PDE4B: variants seen among roughly 807,000 people sequenced by gnomAD.
The protein encoded by PDE4B is 3',5'-cyclic-AMP phosphodiesterase 4B.
In PDE4B, 20 loss-of-function variants were observed where a neutral mutation model predicts 82.2. The ratio of observed to expected loss-of-function variants is 0.24; its 90% CI spans 0.17 to 0.35. The LOEUF (loss-of-function observed/expected upper bound fraction) is 0.35, where lower values mean the gene tolerates loss of function less well. Ranked by LOEUF, PDE4B falls within the 10% of genes least tolerant of loss-of-function variation. PDE4B has a pLI of 1.00. For missense variants in PDE4B, 655 were observed against 907.2 expected (o/e 0.72, Z 3.57); for synonymous variants, 320 against 318.9 (o/e 1.00, Z -0.04).
intron 12 of PDE4B, among the ~76,000 whole-genome samples, chr1:66,364,672 G>A (rs1557731064): frequency 6.6e-6 from 1 of 152,182 alleles, no homozygotes; most frequent in Non-Finnish European, 1.5e-5. Flanking sequence ...AAGTGAGATG[G>A]AGCTAAGGGT....
In PDE4B at chr1:65,968,856, A is replaced by G. The variant is rs923709987; in HGVS notation, c.281+50021A>G. On this transcript the variant is annotated intron_variant, in intron 3 of 16. Coordinates refer to ENST00000341517, the MANE Select transcript of PDE4B (RefSeq NM_002600.4). ...TAGTGAGTCATATTGTCATGTAATT[A>G]TGACCCAACCTATATTTTTATTTCA... Among the ~76,000 whole-genome samples, 5 of 152,178 alleles carry G rather than the reference A, an allele frequency of 3.3e-5. No homozygotes were observed. The South Asian group carries it at 1.0e-3, about 31-fold the overall frequency.
At chr1:65,864,413 A>T (rs796347173) in intron 1 of PDE4B, among the ~76,000 whole-genome samples, 1 of 151,880 alleles carries the variant, frequency 6.6e-6, no homozygotes, top group Admixed American at 6.6e-5. Context: ...GCTGGAGAGG[A>T]GTTGCGATCA....
At position 66,302,992 on chromosome 1, in the gene PDE4B, C is replaced by T. The variant is rs186169938; in HGVS notation, c.635-29516C>T. ...GCTAGATGCCCATCCTATGGGTTTC[C>T]ATGGCATCCAAATATTACCCACACT... On this transcript the variant is annotated intron_variant, in intron 7 of 16. Transcript: ENST00000341517. Among the ~76,000 whole-genome samples the T allele has an allele frequency of 1.8e-4, 27 of 152,222 alleles. No individual in the cohort carries two copies. The East Asian group carries it at 5.2e-3, about 29-fold the overall frequency.
At chr1:66,167,149 C>G (rs1335963337) in intron 3 of PDE4B, among the ~76,000 whole-genome samples, 1 of 152,078 alleles carries the variant, frequency 6.6e-6, no homozygotes, top group Non-Finnish European at 1.5e-5. Flanking sequence ...GCCAGTTTCT[C>G]AAAATGTTAA....
intron 3 of PDE4B, among the ~76,000 whole-genome samples, chr1:66,117,173 A>T (rs544813006): frequency 6.6e-6 from 1 of 152,360 alleles, no homozygotes; most frequent in South Asian, 2.1e-4. Context: ...ATAGGTAAGT[A>T]GGTTGTAGAT....
At chr1:66,156,392 T>G (rs1646502293) in intron 3 of PDE4B, among the ~76,000 whole-genome samples, 1 of 152,170 alleles carries the variant, frequency 6.6e-6, no homozygotes, top group Non-Finnish European at 1.5e-5. Flanking sequence ...TGTGAGACAT[T>G]GTTGAGAAAG....
chr1:65,920,884 A>G (rs930360958), intron 3 of PDE4B, among the ~76,000 whole-genome samples: 13 of 151,034 alleles, frequency 8.6e-5, no homozygotes, highest in African/African-American at 3.2e-4. Context: ...TTAACAGGAT[A>G]CTTTTTAAAG....
At position 65,913,312 on chromosome 1, in the gene PDE4B, A is replaced by G. The variant is rs1018912204; in HGVS notation, c.-3A>G. ...CTAAGAGGGGATATTTTCCACCTCT[A>G]TAATGAAGAAAAGCAGGAGTGTGAT... On this transcript the variant is annotated 5_prime_UTR_variant, in exon 2 of 17. Coordinates refer to ENST00000341517, the MANE Select transcript of PDE4B (RefSeq NM_002600.4). 1.1e-5 allele frequency: 17 copies of G among 1,613,446 alleles called. No individual in the cohort carries two copies. The highest frequency in any genetic ancestry group is 8.9e-5 in the East Asian group (4 of 44,884).
intron 3 of PDE4B, among the ~76,000 whole-genome samples, chr1:66,086,104 T>C (rs1656993763): frequency 6.6e-6 from 1 of 151,820 alleles, no homozygotes. Flanking sequence ...TTTTATCAGC[T>C]CAGTGGGGTT....
chr1:66,305,365 C>T (rs1318935979), intron 7 of PDE4B, among the ~76,000 whole-genome samples: 1 of 151,982 alleles, frequency 6.6e-6, no homozygotes, highest in Non-Finnish European at 1.5e-5. Context: ...GAAAAATAGT[C>T]TTCTTATTTA....
intron 3 of PDE4B, among the ~76,000 whole-genome samples, chr1:66,033,546 ATCT>A (rs1447843153): frequency 1.3e-5 from 2 of 152,010 alleles, no homozygotes; most frequent in Admixed American, 6.5e-5. Context: ...ATTAAAAGGT[ATCT>A]TCTTAAAAAA....
At position 66,358,601 on chromosome 1, in the gene PDE4B, G is replaced by A. The variant is rs557307367; in HGVS notation, c.841+2981G>A. 8.0e-4 allele frequency among the ~76,000 whole-genome samples: 120 copies of A among 150,368 alleles called. 1 individual carries two copies. Among genetic ancestry groups the A allele is most frequent in the Non-Finnish European group, 1.3e-3 (87 of 67,830 alleles). ...AGGCAGGAGAATCACTTGAATCCAG[G>A]AGATGGAGGTTGCAGTGAGCCAAGA... On this transcript the variant is annotated intron_variant, in intron 9 of 16. Coordinates refer to ENST00000341517, the MANE Select transcript of PDE4B (RefSeq NM_002600.4).
At chr1:66,286,974 A>G (rs1656722115) in intron 7 of PDE4B, among the ~76,000 whole-genome samples, 1 of 152,172 alleles carries the variant, frequency 6.6e-6, no homozygotes, top group African/African-American at 2.4e-5. Flanking sequence ...CAGGTTTGTT[A>G]GCTGTTATAA....
chr1:65,878,402 T>A (rs1571057307), intron 1 of PDE4B, among the ~76,000 whole-genome samples: 2 of 152,164 alleles, frequency 1.3e-5, no homozygotes, highest in Non-Finnish European at 2.9e-5. Context: ...AAGGATTATA[T>A]ATCATTCTAC....
intron 3 of PDE4B, among the ~76,000 whole-genome samples, chr1:66,111,381 C>T (rs1645481636): frequency 6.6e-6 from 1 of 152,020 alleles, no homozygotes; most frequent in Admixed American, 6.6e-5. Flanking sequence ...TTTCATTTTT[C>T]CAAACTGAAA....
Position 66,372,477 on chromosome 1 carries a change from C to G in PDE4B, c.2010C>G (p.Asp670Glu). 6.2e-7 allele frequency: 1 copy of G among 1,614,122 alleles called. No homozygotes were observed. The highest frequency in any genetic ancestry group is 8.5e-7 in the Non-Finnish European group (1 of 1,179,976). The change falls in exon 17 of 17, where the codon GAC becomes GAG. Residue 670 changes from aspartate to glutamate, a missense_variant. Transcript: ENST00000341517. ...PSPPLDEQNR[D>E]CQGLMEKFQF... ...CACCACTGGACGAGCAGAACAGGGA[C>G]TGCCAGGGTCTGATGGAGAAGTTTC...
intron 3 of PDE4B, among the ~76,000 whole-genome samples, chr1:66,124,718 T>C (rs1249120077): frequency 6.6e-6 from 1 of 151,808 alleles, no homozygotes; most frequent in African/African-American, 2.4e-5. Flanking sequence ...TTCAATGTTG[T>C]TTCCTCATAA....
chr1:66,284,873 G>A (rs1039617836), intron 7 of PDE4B, among the ~76,000 whole-genome samples: 1 of 152,106 alleles, frequency 6.6e-6, no homozygotes, highest in African/African-American at 2.4e-5. Flanking sequence ...ACTGATATTT[G>A]TTCATCAGGG....
chr1:65,922,761 A>G (rs1372868306), intron 3 of PDE4B, among the ~76,000 whole-genome samples: 1 of 152,222 alleles, frequency 6.6e-6, no homozygotes, highest in African/African-American at 2.4e-5. Flanking sequence ...CTCTCTGGGA[A>G]ATAGTGAGTA....
Sources: allele counts gnomAD v4.1 joint callset (sites outside exome capture counted in the v4.1 genomes callset), GRCh38; gene constraint gnomAD v4.1.1; transcripts MANE v1.5; gene names NCBI Gene and HGNC (gene_info 2026-07-23, HGNC 2026-07-21).